Variants in NRXN3 observed in about 807,000 individuals in gnomAD.
NRXN3 encodes neurexin III.
NRXN3 carries 32 observed loss-of-function variants against 137.6 expected under a neutral mutation model. The ratio of observed to expected loss-of-function variants is 0.23; its 90% CI spans 0.18 to 0.31. The LOEUF is 0.31. Ranked by LOEUF, NRXN3 falls within the 10% of genes least tolerant of loss-of-function variation. The pLI is 1.00. For missense variants in NRXN3, 1,574 were observed against 2,062.5 expected, an observed-to-expected ratio of 0.76 and a Z score of 4.59; for synonymous variants, 798 against 784.5, an observed-to-expected ratio of 1.02 and a Z score of -0.29.
At chr14:79,796,975 C>T (rs961079583) in intron 19 of NRXN3, among the ~76,000 whole-genome samples, 10 of 152,108 alleles carry the variant, frequency 6.6e-5, no homozygotes, top group African/African-American at 1.7e-4. Flanking sequence ...TGGCTTAAAT[C>T]TCAGTAGTCT....
At chr14:79,542,584 G>T (rs562245877) in intron 16 of NRXN3, among the ~76,000 whole-genome samples, 1 of 152,080 alleles carries the variant, frequency 6.6e-6, no homozygotes, top group South Asian at 2.1e-4. Flanking sequence ...TCACTGTAGG[G>T]CCTAACCCCA....
intron 15 of NRXN3, among the ~76,000 whole-genome samples, chr14:79,405,379 A>G (rs1359482578): frequency 6.6e-6 from 1 of 152,148 alleles, no homozygotes; most frequent in Non-Finnish European, 1.5e-5. Context: ...AGCAAGGGTA[A>G]GATAGTCTGG....
intron 15 of NRXN3, among the ~76,000 whole-genome samples, chr14:79,148,369 A>G (rs535916584): frequency 1.3e-5 from 2 of 152,298 alleles, no homozygotes; most frequent in South Asian, 4.1e-4. Context: ...GAGGTGGGAA[A>G]GAACTTAGCT....
intron 15 of NRXN3, among the ~76,000 whole-genome samples, chr14:79,128,729 T>C (rs2056973829): frequency 6.6e-6 from 1 of 152,134 alleles, no homozygotes; most frequent in Non-Finnish European, 1.5e-5. Flanking sequence ...TTTCTATTGA[T>C]TGGAATAGTT....
rs1490335177 is a variant in NRXN3, at chr14:79,751,964, T to G, written c.4015-53148T>G. ...ATAAGCTTTTTGATGCGCTGCTGGA[T>G]TCGGTTTGCCAGTATTTTATTGAGG... is the stretch of plus-strand genomic sequence containing the variant. On this transcript the variant is annotated intron_variant, in intron 19 of 20. Coordinates refer to ENST00000335750, the MANE Select transcript of NRXN3 (RefSeq NM_001330195.2). 2.6e-4 allele frequency among the ~76,000 whole-genome samples: 39 copies of G among 152,298 alleles called. 2 individuals are homozygous for G. The highest frequency in any genetic ancestry group is 2.4e-3 in the Admixed American group (36 of 15,294).
intron 15 of NRXN3, among the ~76,000 whole-genome samples, chr14:79,150,144 T>C (rs978195631): frequency 6.6e-6 from 1 of 152,096 alleles, no homozygotes; most frequent in Non-Finnish European, 1.5e-5. Context: ...CTATGGACTA[T>C]CCACATCACA....
Position 79,622,384 on chromosome 14 carries a change from T to A in NRXN3, c.3445-41394T>A, listed in dbSNP as rs2098233767. On this transcript the variant is annotated intron_variant, in intron 16 of 20. Transcript: ENST00000335750. ...TAGGTGGTTTATATAAAATTTATTG[T>A]CACTTGCTAACTGCATGGCTTTCGG... Among the ~76,000 whole-genome samples the A allele has an allele frequency of 1.3e-5, 2 of 152,216 alleles. 1 individual carries two copies. The highest frequency in any genetic ancestry group is 3.9e-4 in the East Asian group (2 of 5,192).
chr14:79,469,838 C>T (rs966170813), intron 16 of NRXN3, among the ~76,000 whole-genome samples: 2 of 152,156 alleles, frequency 1.3e-5, no homozygotes, highest in African/African-American at 4.8e-5. Context: ...TATTTTATTT[C>T]CTTGCAGATT....
intron 14 of NRXN3, among the ~76,000 whole-genome samples, chr14:78,976,462 G>T (rs949300598): frequency 6.6e-6 from 1 of 152,018 alleles, no homozygotes; most frequent in Non-Finnish European, 1.5e-5. Context: ...ATTCTTTAAA[G>T]GCATTTTAGA....
intron 8 of NRXN3, among the ~76,000 whole-genome samples, chr14:78,758,606 C>T (rs559469365): frequency 2.0e-5 from 3 of 152,352 alleles, no homozygotes; most frequent in East Asian, 3.9e-4. Context: ...ATTGCAGTCG[C>T]TCTGCTCCCT....
At chr14:79,512,941 A>C (rs1407852291) in intron 16 of NRXN3, among the ~76,000 whole-genome samples, 2 of 152,228 alleles carry the variant, frequency 1.3e-5, no homozygotes, top group Non-Finnish European at 1.5e-5. Context: ...ATCTAATGAA[A>C]TGTCATGGAA....
At chr14:78,691,377 C>T (rs1228051153) in intron 6 of NRXN3, among the ~76,000 whole-genome samples, 1 of 151,894 alleles carries the variant, frequency 6.6e-6, no homozygotes, top group Non-Finnish European at 1.5e-5. Context: ...GGAACTGTAC[C>T]CTCTAGCCAA....
chr14:78,991,402 G>T (rs1374094256), intron 15 of NRXN3, among the ~76,000 whole-genome samples: 1 of 152,152 alleles, frequency 6.6e-6, no homozygotes, highest in African/African-American at 2.4e-5. Flanking sequence ...CAAACAAATT[G>T]TATCCATTTA....
intron 10 of NRXN3, among the ~76,000 whole-genome samples, chr14:78,907,438 A>G (rs1007358137): frequency 1.4e-4 from 21 of 152,050 alleles, no homozygotes; most frequent in Admixed American, 1.2e-3. Context: ...TGAATTATGT[A>G]ATGTTAACAA....
At chr14:79,739,369 G>A (rs114087954) in intron 19 of NRXN3, among the ~76,000 whole-genome samples, 3,853 of 152,186 alleles carry the variant, frequency 0.025, 154 homozygotes, top group African/African-American at 0.088. Flanking sequence ...CCCTCACTGG[G>A]CATGGTGGCT....
intron 4 of NRXN3, among the ~76,000 whole-genome samples, chr14:78,417,002 A>C (rs2093175768): frequency 6.6e-6 from 1 of 152,226 alleles, no homozygotes; most frequent in Non-Finnish European, 1.5e-5. Flanking sequence ...ATTATACCTT[A>C]TCTGGGCTCC....
At chr14:78,909,072 G>A (rs1256038343) in intron 10 of NRXN3, among the ~76,000 whole-genome samples, 1 of 152,118 alleles carries the variant, frequency 6.6e-6, no homozygotes, top group Non-Finnish European at 1.5e-5. Context: ...AAAAATTTAA[G>A]TTGAGCACAC....
rs539001522 is a variant in NRXN3, at chr14:78,415,852, A to C, written c.757+117992A>C. ...ACCAAGGAAGGCCATGGGAGGACAA[A>C]TCCAGAAACACAGCTCTCACCAAGA... On this transcript the variant is annotated intron_variant, in intron 4 of 20. Coordinates refer to ENST00000335750, the MANE Select transcript of NRXN3 (RefSeq NM_001330195.2). Among the ~76,000 whole-genome samples, 217 of 151,804 alleles carry C rather than the reference A, an allele frequency of 1.4e-3. 2 individuals carry two copies. The highest frequency in any genetic ancestry group is 5.1e-3 in the African/African-American group (210 of 41,400).
At chr14:78,949,585 G>A (rs1267105952) in intron 10 of NRXN3, among the ~76,000 whole-genome samples, 1 of 145,434 alleles carries the variant, frequency 6.9e-6, no homozygotes, top group African/African-American at 2.8e-5. Context: ...AAAGGGCATA[G>A]AAGTGAATTT....
Sources: gnomAD v4.1 joint callset for allele counts (sites outside exome capture counted in the v4.1 genomes callset) on GRCh38, gnomAD v4.1.1 for gene constraint, MANE v1.5 for transcripts, NCBI Gene and HGNC (gene_info 2026-07-23, HGNC 2026-07-21) for gene names.